TLK1: variants seen among roughly 807,000 people sequenced by gnomAD.
The protein encoded by TLK1 is serine/threonine-protein kinase tousled-like 1.
Under a neutral mutation model 105.3 loss-of-function variants are expected in TLK1, and 24 were observed. The observed-to-expected ratio is 0.23, with a 90% CI of 0.17 to 0.32. The LOEUF (loss-of-function observed/expected upper bound fraction) is 0.32. Ranked by LOEUF, TLK1 falls within the 10% of genes least tolerant of loss-of-function variation. TLK1 has a pLI of 1.00. For missense variants in TLK1, 558 were observed against 910.5 expected, an observed-to-expected ratio of 0.61 and a Z score of 4.98; for synonymous variants, 321 against 310.4, an observed-to-expected ratio of 1.03 and a Z score of -0.36.
chr2:171,063,064 G>A (rs147503642), intron 3 of TLK1, among the ~76,000 whole-genome samples: 1 of 152,104 alleles, frequency 6.6e-6, no homozygotes, highest in African/African-American at 2.4e-5. Flanking sequence ...ACCCTAAATC[G>A]GCCGGGTGCA....
chr2:171,165,639 G>T (rs1575643413), upstream of TLK1, among the ~76,000 whole-genome samples: 1 of 152,278 alleles, frequency 6.6e-6, no homozygotes, highest in African/African-American at 2.4e-5. Flanking sequence ...GAGGCTGGGG[G>T]CTGTGGCTCA....
chr2:171,050,339 C>T (rs1687177389), intron 8 of TLK1, among the ~76,000 whole-genome samples, 165 bp from the exon 9 acceptor site: 1 of 150,496 alleles, frequency 6.6e-6, no homozygotes, highest in Non-Finnish European at 1.5e-5. Flanking sequence ...TGAGATAATA[C>T]TGTTAAATGT....
intron 18 of TLK1, among the ~76,000 whole-genome samples, chr2:171,002,308 G>A (rs1223299473): frequency 1.3e-5 from 2 of 151,508 alleles, no homozygotes; most frequent in Non-Finnish European, 2.9e-5. Flanking sequence ...ACCCAGGCTG[G>A]AGTGCCATGG....
chr2:171,014,201 G>A (rs1685063015), intron 13 of TLK1, among the ~76,000 whole-genome samples: 1 of 152,060 alleles, frequency 6.6e-6, no homozygotes, highest in African/African-American at 2.4e-5. Context: ...AGGCTTTACG[G>A]ATACAGCAAG....
chr2:171,207,323 C>T lies in TLK1; in HGVS notation c.-6+23822G>A, dbSNP rs1197630564. ...GCTACACACTGTATGATTCCAACTA[C>T]GTGACATTCTGGAAAAGTCAAAACG... is the stretch of plus-strand genomic sequence containing the variant. On this transcript the variant is annotated intron_variant, in intron 1 of 20. Transcript: ENST00000521943. Among the ~76,000 whole-genome samples, 4 of 152,262 alleles carry T rather than the reference C, an allele frequency of 2.6e-5. 1 individual carries two copies. The highest frequency in any genetic ancestry group is 2.9e-5 in the Non-Finnish European group (2 of 68,014).
chr2:171,158,069 G>A (rs1310118986), intron 1 of TLK1, among the ~76,000 whole-genome samples: 1 of 152,112 alleles, frequency 6.6e-6, no homozygotes, highest in Non-Finnish European at 1.5e-5. Context: ...CTGAGATTTC[G>A]CTCAATAGAA....
intron 4 of TLK1, among the ~76,000 whole-genome samples, chr2:171,060,544 T>C (rs1379559173): frequency 6.6e-6 from 1 of 152,226 alleles, no homozygotes; most frequent in Non-Finnish European, 1.5e-5. Context: ...AAGAGCCCAA[T>C]TTATTATATT....
chr2:171,139,145 C>T (rs1228908153), intron 1 of TLK1, among the ~76,000 whole-genome samples: 3 of 152,000 alleles, frequency 2.0e-5, no homozygotes, highest in African/African-American at 7.3e-5. Context: ...AAATACCCAG[C>T]ATTAAAGGAA....
chr2:171,044,344 T>C (rs541357753), intron 11 of TLK1, among the ~76,000 whole-genome samples: 25 of 152,304 alleles, frequency 1.6e-4, no homozygotes, highest in African/African-American at 6.0e-4. Context: ...GAGAGGATGG[T>C]AGTGCCACTC....
intron 1 of TLK1, among the ~76,000 whole-genome samples, chr2:171,222,538 C>T (rs1693827577): frequency 6.6e-6 from 1 of 152,000 alleles, no homozygotes; most frequent in East Asian, 1.9e-4. Flanking sequence ...TGCCATGTTG[C>T]TCAGGCTAGT....
At chr2:171,121,969 A>G (rs1177788149) in intron 1 of TLK1, among the ~76,000 whole-genome samples, 1 of 152,126 alleles carries the variant, frequency 6.6e-6, no homozygotes, top group Non-Finnish European at 1.5e-5. Context: ...GTTTTTTGAG[A>G]CGCAGTCTCA....
chr2:171,029,758 C>T (rs1474271576), intron 11 of TLK1, among the ~76,000 whole-genome samples: 2 of 152,100 alleles, frequency 1.3e-5, no homozygotes, highest in Non-Finnish European at 2.9e-5. Context: ...AGAACTACAA[C>T]AAGGCTTATT....
At chr2:171,104,778 C>A (rs991424468) in intron 2 of TLK1, among the ~76,000 whole-genome samples, 4 of 152,180 alleles carry the variant, frequency 2.6e-5, no homozygotes, top group African/African-American at 9.7e-5. Context: ...TTCTTGATTT[C>A]TTTTTCTGCT....
chr2:171,072,193 G>A (rs1043713824), intron 3 of TLK1, among the ~76,000 whole-genome samples: 2 of 152,144 alleles, frequency 1.3e-5, no homozygotes, highest in African/African-American at 4.8e-5. Context: ...GGGTACAATG[G>A]ACATTTTAAA....
chr2:171,057,546 G>A (rs1575560254), intron 5 of TLK1, among the ~76,000 whole-genome samples: 2 of 151,808 alleles, frequency 1.3e-5, no homozygotes, highest in Non-Finnish European at 1.5e-5. Flanking sequence ...TAGATTTTAC[G>A]AACCCAAGAA....
intron 1 of TLK1, among the ~76,000 whole-genome samples, chr2:171,207,871 G>A (rs1230186984): frequency 6.6e-6 from 1 of 152,060 alleles, no homozygotes; most frequent in Non-Finnish European, 1.5e-5. Context: ...GATTACAGCT[G>A]TCTGCCACCA....
intron 12 of TLK1, among the ~76,000 whole-genome samples, chr2:171,017,289 T>G (rs1405534829): frequency 6.6e-6 from 1 of 152,338 alleles, no homozygotes; most frequent in East Asian, 1.9e-4. Context: ...GCAATGACTC[T>G]TTCCCTTCAT....
intron 10 of TLK1, 102 bp downstream of exon 10, chr2:171,049,712 A>G: frequency 7.2e-7 from 1 of 1,383,110 alleles, no homozygotes; most frequent in Non-Finnish European, 9.9e-7. Context: ...ATGATTTCAG[A>G]GTAGCGAGGA....
chr2:171,187,787 C>T (rs1420173938), intron 1 of TLK1, among the ~76,000 whole-genome samples: 2 of 152,168 alleles, frequency 1.3e-5, no homozygotes, highest in Non-Finnish European at 2.9e-5. Flanking sequence ...TATACTACAT[C>T]TCCACTGCCT....
Sources: gnomAD v4.1 joint callset for allele counts (sites outside exome capture counted in the v4.1 genomes callset) on GRCh38, gnomAD v4.1.1 for gene constraint, MANE v1.5 for transcripts, NCBI Gene and HGNC (gene_info 2026-07-23, HGNC 2026-07-21) for gene names.